Variants in MSX2 observed in about 807,000 individuals in gnomAD.
The protein encoded by MSX2 is homeobox protein MSX-2.
In MSX2, 10 loss-of-function variants were observed where a neutral mutation model predicts 18.4. The observed-to-expected ratio is 0.54, with a 90% CI of 0.34 to 0.92. The LOEUF (loss-of-function observed/expected upper bound fraction) is 0.92. Ranked by LOEUF, MSX2 falls within the 40% of genes least tolerant of loss-of-function variation. MSX2 has a pLI of 0.02. For synonymous variants in MSX2, 170 were observed against 165.6 expected (o/e 1.03, Z -0.20); for missense variants, 339 against 364.0 (o/e 0.93, Z 0.56).
Position 174,724,592 on chromosome 5 carries a change from AGTTTGAGTCGCCGCTGCCG to A in MSX2, c.-66_-48del. 1 of 1,539,542 alleles carries A rather than the reference AGTTTGAGTCGCCGCTGCCG, an allele frequency of 6.5e-7. No individual in the cohort carries two copies. Among genetic ancestry groups the A allele is most frequent in the Non-Finnish European group, 8.8e-7 (1 of 1,139,978 alleles). On this transcript the variant is annotated 5_prime_UTR_variant, in exon 1 of 2. Transcript: ENST00000239243. ...GCCCCTCCCGTCTCCGCAGCAAAAA[AGTTTGAGTCGCCGCTGCCG>A]GGTTGCCAGCGGAGTCGCGCGTCGG...
intron 1 of MSX2, among the ~76,000 whole-genome samples, chr5:174,725,722 C>T (rs1036514300): frequency 6.6e-6 from 1 of 152,112 alleles, no homozygotes; most frequent in African/African-American, 2.4e-5. Flanking sequence ...CGGGCTGGGG[C>T]CAGAAGCGCA....
chr5:174,728,161 G>GT (rs1331271091), intron 1 of MSX2, among the ~76,000 whole-genome samples: 1 of 152,092 alleles, frequency 6.6e-6, no homozygotes, highest in African/African-American at 2.4e-5. Context: ...TATTTTGCTT[G>GT]TTTTTCCCCC....
rs1342055220 is a variant in MSX2, at chr5:174,730,771, C to T, written c.*1188C>T. ...TTCCTGTCCATCTGTCCCCTCCCTC[C>T]GGTATACCTTTATCCCTTTGAAAGG... On this transcript the variant is annotated 3_prime_UTR_variant, in exon 2 of 2. Transcript: ENST00000239243. The T allele has an allele frequency of 5.2e-5, 8 of 152,556 alleles. No individual in the cohort carries two copies. The highest frequency in any genetic ancestry group is 1.3e-4 in the Admixed American group (2 of 15,268). 9.5% of individuals were successfully genotyped at this position (152,556 alleles called of 1,614,324 possible). A position where few individuals can be genotyped will look rare whatever the true frequency, so the allele number is the denominator to read the frequency against.
rs759722126 is a variant in MSX2 at position 174,725,057 on chromosome 5, A to G, written c.379+19A>G. ...CCGCCAAGTGAGTGCGCGCCGGGGC[A>G]GGAGTAGGAGGTAGCGCGGGGTACT... On this transcript the variant is annotated intron_variant, in intron 1 of 1. Transcript: ENST00000239243. 2 of 1,608,238 alleles carry G rather than the reference A, an allele frequency of 1.2e-6. No individual in the cohort carries two copies. The highest frequency in any genetic ancestry group is 1.3e-5 in the African/African-American group (1 of 74,928).
chr5:174,725,692 G>A (rs116548549), intron 1 of MSX2, among the ~76,000 whole-genome samples: 3,562 of 152,270 alleles, frequency 0.023, 129 homozygotes, highest in African/African-American at 0.081. Flanking sequence ...CCCCGGCAAG[G>A]TTCTGAGCTT....
chr5:174,725,091 C>G (rs961624629), intron 1 of MSX2, 53 bp downstream of exon 1: 1 of 1,594,810 alleles, frequency 6.3e-7, no homozygotes. Context: ...CTGGAGGGAG[C>G]GGGGGGCGGG....
In MSX2 at chr5:174,724,602, G is replaced by C. The variant is rs1760730072; in HGVS notation, c.-58G>C. On this transcript the variant is annotated 5_prime_UTR_variant, in exon 1 of 2. Coordinates refer to ENST00000239243, the MANE Select transcript of MSX2 (RefSeq NM_002449.5). ...TCTCCGCAGCAAAAAAGTTTGAGTC[G>C]CCGCTGCCGGGTTGCCAGCGGAGTC... The C allele has an allele frequency of 6.5e-7, 1 of 1,547,060 alleles. No individual in the cohort carries two copies. The highest frequency in any genetic ancestry group is 1.9e-5 in the Admixed American group (1 of 51,324).
rs1760865905 is a variant in MSX2, at chr5:174,729,047, G to A, written c.380-112G>A. On this transcript the variant is annotated intron_variant, in intron 1 of 1. Transcript: ENST00000239243. Reference sequence around the variant, plus strand: ...TAAAGCTAAGTGCTTTCAGTTGAGAGGGGAGGCCCGAAAGGAAAAAACCTA... The same window carrying A: ...TAAAGCTAAGTGCTTTCAGTTGAGAAGGGAGGCCCGAAAGGAAAAAACCTA... The A allele has an allele frequency of 4.0e-6, 4 of 989,992 alleles. No homozygotes were observed. The South Asian group carries it at 4.5e-5, about 11-fold the overall frequency. The allele number at this position is 989,992 out of a possible 1,614,324, so 61.3% of individuals were successfully genotyped here.
chr5:174,728,084 C>T (rs1186211404), intron 1 of MSX2, among the ~76,000 whole-genome samples: 1 of 152,156 alleles, frequency 6.6e-6, no homozygotes, highest in African/African-American at 2.4e-5. Flanking sequence ...CAAGGATGTC[C>T]CAGTCCGTGA....
At chr5:174,728,877 A>G (rs1760858496) in intron 1 of MSX2, among the ~76,000 whole-genome samples, 1 of 152,152 alleles carries the variant, frequency 6.6e-6, no homozygotes. Flanking sequence ...CCATTTATAT[A>G]TGGTCCCCCT....
intron 1 of MSX2, among the ~76,000 whole-genome samples, 174 bp from the exon 2 acceptor site, chr5:174,728,985 G>C: frequency 6.8e-6 from 1 of 147,158 alleles, no homozygotes; most frequent in African/African-American, 2.5e-5. Flanking sequence ...GTGTGTGTGT[G>C]TGTGTGTGTG....
intron 1 of MSX2, among the ~76,000 whole-genome samples, chr5:174,725,303 A>T (rs977595802): frequency 1.3e-5 from 2 of 151,896 alleles, no homozygotes; most frequent in Non-Finnish European, 2.9e-5. Flanking sequence ...TCAAGAGCGA[A>T]CCCCAGCTGG....
At chr5:174,725,188 C>T in intron 1 of MSX2, 150 bp downstream of exon 1, 1 of 1,291,004 alleles carries the variant, frequency 7.7e-7, no homozygotes, top group East Asian at 2.6e-5. Flanking sequence ...TCCTGGGTGC[C>T]CGGGGCGTTC....
In MSX2 at chr5:174,724,595, T is replaced by C. The variant is rs948679750; in HGVS notation, c.-65T>C. On this transcript the variant is annotated 5_prime_UTR_variant, in exon 1 of 2. Coordinates refer to ENST00000239243, the MANE Select transcript of MSX2 (RefSeq NM_002449.5). The stretch of plus-strand genomic sequence containing the variant: ...CCTCCCGTCTCCGCAGCAAAAAAGT[T>C]TGAGTCGCCGCTGCCGGGTTGCCAG... 4.7e-5 allele frequency: 73 copies of C among 1,543,974 alleles called. 2 individuals carry two copies. In the Admixed American group the frequency reaches 4.9e-4, roughly 10 times the overall value.
chr5:174,726,809 A>G (rs1307967671), intron 1 of MSX2, among the ~76,000 whole-genome samples: 2 of 152,168 alleles, frequency 1.3e-5, no homozygotes, highest in African/African-American at 2.4e-5. Context: ...TGCCCAGCCA[A>G]TGATACAGGC....
At chr5:174,728,244 G>C (rs1760846473) in intron 1 of MSX2, among the ~76,000 whole-genome samples, 1 of 152,264 alleles carries the variant, frequency 6.6e-6, no homozygotes, top group East Asian at 1.9e-4. Context: ...ATGTCATCAC[G>C]TGCTCTCAAT....
At position 174,724,721 on chromosome 5, in the gene MSX2, T is replaced by G. The variant is rs1484867287; in HGVS notation, c.62T>G (p.Val21Gly). ...CCCGACGAGGAGGGCCCAGCAGTGG[T>G]GGCCGGACCAGGCCCGGGGCCTGGG... The part of the protein sequence containing the change: ...FSPDEEGPAV[V>G]AGPGPGPGGA... The change falls in exon 1 of 2, where the codon GTG (valine) becomes GGG (glycine). Residue 21 changes from valine (V) to glycine (G), a missense_variant. Physicochemically the swap from Val to Gly is moderately radical, Grantham distance 109. Transcript: ENST00000239243. The G allele has an allele frequency of 6.3e-7, 1 of 1,592,858 alleles. No individual in the cohort carries two copies. The highest frequency in any genetic ancestry group is 1.7e-5 in the Admixed American group (1 of 57,182).
Position 174,725,072 on chromosome 5 carries a change from C to A in MSX2, c.379+34C>A, listed in dbSNP as rs375515216. On this transcript the variant is annotated intron_variant, in intron 1 of 1. Transcript: ENST00000239243. ...GCGCCGGGGCAGGAGTAGGAGGTAG[C>A]GCGGGGTACTGGAGGGAGCGGGGGG... 138 of 1,605,748 alleles carry A rather than the reference C, an allele frequency of 8.6e-5. No individual in the cohort carries two copies. The African/African-American group carries it at 1.4e-3, about 16-fold the overall frequency.
intron 1 of MSX2, among the ~76,000 whole-genome samples, chr5:174,727,865 G>A (rs529020249): frequency 6.6e-6 from 1 of 152,272 alleles, no homozygotes; most frequent in African/African-American, 2.4e-5. Context: ...TCTTTCTTGG[G>A]CCACCAAAGT....
Sources: gnomAD v4.1 joint callset for allele counts (sites outside exome capture counted in the v4.1 genomes callset) on GRCh38, gnomAD v4.1.1 for gene constraint, MANE v1.5 for transcripts, NCBI Gene and HGNC (gene_info 2026-07-23, HGNC 2026-07-21) for gene names.